The following PATJ variants were observed in gnomAD, a reference collection of about 807,000 sequenced individuals.
The protein encoded by PATJ is inaD-like protein.
PATJ carries 190 observed loss-of-function variants against 224.9 expected under a neutral mutation model. The observed-to-expected ratio is 0.84, with a 90% CI of 0.75 to 0.95. PATJ has a LOEUF of 0.95. PATJ is among the 40% of genes least tolerant of loss of function. The probability of loss-of-function intolerance (pLI) is 0.00; values close to 1 mark genes in which losing one functional copy is unlikely to be tolerated. For synonymous variants in PATJ, 769 were observed against 820.3 expected (o/e 0.94, Z 1.07); for missense variants, 2,121 against 2,270.3 (o/e 0.93, Z 1.34).
chr1:62,039,316 G>A (rs1481420135), intron 30 of PATJ, among the ~76,000 whole-genome samples: 1 of 152,146 alleles, frequency 6.6e-6, no homozygotes, highest in Non-Finnish European at 1.5e-5. Context: ...ATGTTTTGAA[G>A]CAGTTGGTCC....
At chr1:61,828,225 A>G (rs1392596880) in intron 16 of PATJ, among the ~76,000 whole-genome samples, 1 of 151,654 alleles carries the variant, frequency 6.6e-6, no homozygotes, top group Admixed American at 6.6e-5. Flanking sequence ...CTTGGGCAAC[A>G]AGAGCGAAAC....
At chr1:62,021,074 T>C (rs1279724754) in intron 29 of PATJ, among the ~76,000 whole-genome samples, 2 of 152,050 alleles carry the variant, frequency 1.3e-5, no homozygotes, top group Non-Finnish European at 2.9e-5. Context: ...ATGATCTGCC[T>C]GGCTCGGCCT....
intron 22 of PATJ, among the ~76,000 whole-genome samples, chr1:61,886,946 A>C (rs1668961640): frequency 6.6e-6 from 1 of 151,494 alleles, no homozygotes; most frequent in African/African-American, 2.4e-5. Context: ...GTGCCACTGC[A>C]CTCCAGCCTG....
chr1:61,912,381 G>T (rs1672787480), intron 25 of PATJ, among the ~76,000 whole-genome samples: 1 of 151,992 alleles, frequency 6.6e-6, no homozygotes, highest in African/African-American at 2.4e-5. Flanking sequence ...ATCACTTGAG[G>T]TCTGGAGTTG....
At chr1:61,887,457 G>A (rs1450025289) in intron 22 of PATJ, among the ~76,000 whole-genome samples, 1 of 152,224 alleles carries the variant, frequency 6.6e-6, no homozygotes, top group East Asian at 1.9e-4. Flanking sequence ...AAGGAAAGGT[G>A]TTGGAGCAGA....
chr1:62,154,028 T>C lies in PATJ; in HGVS notation c.5502+547T>C, dbSNP rs1447827624. On this transcript the variant is annotated intron_variant, in intron 43 of 43. Coordinates refer to ENST00000642238, the MANE Select transcript of PATJ (RefSeq NM_001350145.3). The stretch of plus-strand genomic sequence containing the variant: ...CAAGCAATTCTCCTGCCTCAGTAGC[T>C]AGGACTACAGGCGCATGCCACCACG... 3.3e-5 allele frequency among the ~76,000 whole-genome samples: 5 copies of C among 152,092 alleles called. 1 individual carries two copies. Among genetic ancestry groups the C allele is most frequent in the Admixed American group, 2.6e-4 (4 of 15,256 alleles).
At chr1:61,883,971 G>A (rs1668453104) in intron 21 of PATJ, among the ~76,000 whole-genome samples, 2 of 36,536 alleles carry the variant, frequency 5.5e-5, no homozygotes, top group South Asian at 3.1e-3. Flanking sequence ...TATTAATATT[G>A]CATAAATGCC....
chr1:61,963,666 A>G (rs564562060), intron 27 of PATJ, among the ~76,000 whole-genome samples: 1 of 152,308 alleles, frequency 6.6e-6, no homozygotes, highest in South Asian at 2.1e-4. Flanking sequence ...GTGGATCATC[A>G]TAAAGGTCTT....
chr1:61,997,415 A>C (rs1212146163), intron 28 of PATJ, among the ~76,000 whole-genome samples: 1 of 152,184 alleles, frequency 6.6e-6, no homozygotes, highest in Non-Finnish European at 1.5e-5. Flanking sequence ...CAGCGTTGTA[A>C]CCAATAGCTA....
At chr1:61,868,845 TTCTC>T (rs1362662194) in intron 20 of PATJ, among the ~76,000 whole-genome samples, 1 of 152,062 alleles carries the variant, frequency 6.6e-6, no homozygotes, top group African/African-American at 2.4e-5. Context: ...GAGAAAAAAC[TTCTC>T]CTCTACCCTC....
At position 62,162,596 on chromosome 1, in the gene PATJ, A is replaced by G. The variant is rs1161650321; in HGVS notation, c.*1542A>G. ...GTTGATTATTGGCAATCTTATTCATATATTAGCAAGAAAAAGGGAGAGATG... is the reference window on the plus strand; with the variant it reads ...GTTGATTATTGGCAATCTTATTCATGTATTAGCAAGAAAAAGGGAGAGATG... On this transcript the variant is annotated 3_prime_UTR_variant, in exon 44 of 44. Transcript: ENST00000642238. 1 of 152,226 alleles carries G rather than the reference A, an allele frequency of 6.6e-6. No individual in the cohort carries two copies. Among genetic ancestry groups the G allele is most frequent in the Non-Finnish European group, 1.5e-5 (1 of 68,060 alleles). 9.4% of individuals were successfully genotyped at this position (152,226 alleles called of 1,614,324 possible).
chr1:61,939,863 A>G (rs1677527483), intron 27 of PATJ, among the ~76,000 whole-genome samples: 1 of 151,408 alleles, frequency 6.6e-6, no homozygotes, highest in South Asian at 2.1e-4. Context: ...TAGTAGAGAC[A>G]TGGTTCCACC....
intron 14 of PATJ, among the ~76,000 whole-genome samples, chr1:61,814,269 G>A (rs550423829): frequency 1.1e-4 from 17 of 149,792 alleles, no homozygotes; most frequent in Admixed American, 6.1e-4. Flanking sequence ...TCAGCCTCCC[G>A]AGTAGCTGGG....
intron 1 of PATJ, among the ~76,000 whole-genome samples, chr1:61,755,038 G>A (rs541310444): frequency 1.3e-4 from 20 of 152,122 alleles, no homozygotes; most frequent in African/African-American, 3.9e-4. Flanking sequence ...AGTGGCTCAC[G>A]CCTGTAATCC....
intron 27 of PATJ, among the ~76,000 whole-genome samples, chr1:61,973,126 A>C (rs920208367): frequency 1.1e-4 from 16 of 152,056 alleles, no homozygotes; most frequent in African/African-American, 3.9e-4. Context: ...ACAAATTTGC[A>C]AGCTTGTGTT....
At chr1:61,848,156 T>A (rs1291430497) in intron 17 of PATJ, among the ~76,000 whole-genome samples, 1 of 152,186 alleles carries the variant, frequency 6.6e-6, no homozygotes, top group African/African-American at 2.4e-5. Context: ...TCATAACTCA[T>A]GTATCCAACT....
At chr1:61,982,080 CCTT>C (rs1374796061) in intron 27 of PATJ, among the ~76,000 whole-genome samples, 6 of 151,958 alleles carry the variant, frequency 3.9e-5, no homozygotes, top group African/African-American at 1.5e-4. Flanking sequence ...CAGAGAGTGA[CCTT>C]CTTAGGTTTT....
At chr1:61,866,582 C>G (rs1034259626) in intron 20 of PATJ, among the ~76,000 whole-genome samples, 13 of 152,018 alleles carry the variant, frequency 8.6e-5, no homozygotes, top group African/African-American at 2.2e-4. Flanking sequence ...TGTACTGTCA[C>G]TCAAAATTTT....
chr1:61,992,470 ATT>A (rs1645126071), intron 28 of PATJ, among the ~76,000 whole-genome samples: 1 of 152,074 alleles, frequency 6.6e-6, no homozygotes, highest in African/African-American at 2.4e-5. Context: ...GAGATTCCTG[ATT>A]TTTGATGCTT....
Sources: allele counts gnomAD v4.1 joint callset (sites outside exome capture counted in the v4.1 genomes callset), GRCh38; gene constraint gnomAD v4.1.1; transcripts MANE v1.5; gene names NCBI Gene and HGNC (gene_info 2026-07-23, HGNC 2026-07-21).